Variants in AP3D1 observed in about 807,000 individuals in gnomAD.
AP3D1 encodes adaptor related protein complex 3 subunit delta 1.
A neutral mutation model predicts 147.6 loss-of-function variants in AP3D1; 51 were observed. The ratio of observed to expected loss-of-function variants is 0.35; its 90% CI spans 0.28 to 0.44. The LOEUF is 0.44. AP3D1 is among the 20% of genes least tolerant of loss of function. The pLI is 1.00. For synonymous variants in AP3D1, 760 were observed against 663.0 expected, an observed-to-expected ratio of 1.15 and a Z score of -2.25; for missense variants, 1,421 against 1,624.2, an observed-to-expected ratio of 0.87 and a Z score of 2.15.
At chr19:2,115,762 A>C (rs1374300937) in intron 18 of AP3D1, 149 bp from the exon 19 acceptor site, 5 of 794,966 alleles carry the variant, frequency 6.3e-6, no homozygotes, top group Non-Finnish European at 7.8e-6. Context: ...GAGCGCCGTG[A>C]GCGAGCGCAT....
chr19:2,120,054 G>T (rs908136582), intron 14 of AP3D1, among the ~76,000 whole-genome samples: 1 of 152,194 alleles, frequency 6.6e-6, no homozygotes, highest in African/African-American at 2.4e-5. Context: ...TTCCTGAGCC[G>T]GGGCAGGCCC....
At chr19:2,123,520 C>A in intron 10 of AP3D1, 114 bp from the exon 11 acceptor site, 1 of 1,073,598 alleles carries the variant, frequency 9.3e-7, no homozygotes, top group Admixed American at 2.3e-5. Context: ...CAGCCCCACC[C>A]ACCAATCAAA....
chr19:2,110,290 G>C (rs888763235), intron 27 of AP3D1, 66 bp from the exon 28 acceptor site: 1 of 1,392,518 alleles, frequency 7.2e-7, no homozygotes, highest in Non-Finnish European at 1.0e-6. Flanking sequence ...GGGGCCTCCA[G>C]GTCTGTCCTC....
rs750348865 is a variant in AP3D1, at chr19:2,116,621, T to C, written c.1985A>G (p.Glu662Gly). The change falls in exon 17 of 32, where the codon GAG (glutamate) becomes GGG (glycine). Residue 662 changes from glutamate to glycine, a missense_variant. Around this residue, in one of 6 missense-constraint regions of AP3D1, gnomAD observed 791 missense variants for 761.4 expected, o/e 1.04. Transcript: ENST00000643116. ...GCAGCTCACCCGAGCCAGCTCTTCCTCGTCCGCCTCCGACGGCCGGTGCTT... is the reference window on the plus strand; with the variant it reads ...GCAGCTCACCCGAGCCAGCTCTTCCCCGTCCGCCTCCGACGGCCGGTGCTT... Reference protein sequence around the residue: ...RPKHRPSEADEEELARRREAR... With the variant: ...RPKHRPSEADGEELARRREAR... 13 of 1,597,622 alleles carry C rather than the reference T, an allele frequency of 8.1e-6. No homozygotes were observed. The highest frequency in any genetic ancestry group is 1.1e-5 in the Non-Finnish European group (13 of 1,172,870).
At chr19:2,163,782 G>C (rs2019797570) in intron 1 of AP3D1, among the ~76,000 whole-genome samples, 2 of 151,296 alleles carry the variant, frequency 1.3e-5, no homozygotes, top group Non-Finnish European at 3.0e-5. Flanking sequence ...TCGTGCGTGC[G>C]TGGATTCGGG....
At chr19:2,117,147 C>T (rs1442982567) in intron 16 of AP3D1, 75 bp downstream of exon 16, 77 of 1,495,846 alleles carry the variant, frequency 5.1e-5, no homozygotes, top group Non-Finnish European at 6.5e-5. Context: ...GGTGCAGGAG[C>T]CCCCGCTGTG....
intron 31 of AP3D1, among the ~76,000 whole-genome samples, chr19:2,108,332 C>T (rs570017478): frequency 2.6e-5 from 4 of 152,290 alleles, no homozygotes; most frequent in South Asian, 4.1e-4. Flanking sequence ...GCGGAGGGAG[C>T]GAGGAGTCAT....
intron 5 of AP3D1, among the ~76,000 whole-genome samples, chr19:2,130,938 G>A (rs1412799835): frequency 6.6e-6 from 1 of 152,232 alleles, no homozygotes. Context: ...CCAGGGAGTC[G>A]CCTCGAACTG....
Position 2,137,012 on chromosome 19 carries a change from T to C in AP3D1, c.353A>G (p.Lys118Arg). The C allele has an allele frequency of 6.3e-7, 1 of 1,586,834 alleles. No homozygotes were observed. The highest frequency in any genetic ancestry group is 8.6e-7 in the Non-Finnish European group (1 of 1,166,802). Residue 118 changes from lysine (K) to arginine (R), a missense_variant and splice_region_variant, in exon 4 of 32, where the codon AAG becomes AGG. By Grantham distance (26) the Lys-to-Arg change is conservative (BLOSUM62 2). Around this residue, in one of 6 missense-constraint regions of AP3D1, gnomAD observed 292 missense variants for 412.0 expected, o/e 0.71. Transcript: ENST00000643116. ...CGGCCCCGGCCCGGGAACACCCACC[T>C]TACGGATCTGATTGGTGGTCAGCAT... Reference protein sequence around the residue: ...VIMLTTNQIRKDLSSPSQYDT... With the variant: ...VIMLTTNQIRRDLSSPSQYDT...
chr19:2,122,228 CT>C (rs151319979), intron 11 of AP3D1, among the ~76,000 whole-genome samples: 17,228 of 147,600 alleles, frequency 0.12, 1,265 homozygotes, highest in South Asian at 0.23. Flanking sequence ...AGCAGATACC[CT>C]TGGCCCAAGG....
chr19:2,115,503 G>A, intron 19 of AP3D1, 35 bp downstream of exon 19: 1 of 1,611,292 alleles, frequency 6.2e-7, no homozygotes, highest in Non-Finnish European at 8.5e-7. Context: ...CAGCCCATGT[G>A]ACAAATGCGG....
In AP3D1 at chr19:2,111,709, C is replaced by A. The variant is rs1475553142; in HGVS notation, c.2907G>T (p.Gln969His). The A allele has an allele frequency of 3.7e-6, 6 of 1,600,770 alleles. No individual in the cohort carries two copies. Among genetic ancestry groups the A allele is most frequent in the Non-Finnish European group, 5.1e-6 (6 of 1,174,872 alleles). ...GSEEAAGEPVQNGAPEEEQLP... is the reference protein window; with the variant it reads ...GSEEAAGEPVHNGAPEEEQLP... The stretch of plus-strand genomic sequence containing the variant: ...GCTGCTCCTCCTCTGGCGCGCCATT[C>A]TGCACCGGCTCCCCCGCTGCCTCCT... The change falls in exon 25 of 32, where the codon CAG (glutamine) becomes CAT (histidine). Residue 969 changes from glutamine (Q) to histidine (H), a missense_variant. Transcript: ENST00000643116.
chr19:2,134,420 C>CAA (rs60373017), intron 4 of AP3D1, among the ~76,000 whole-genome samples: 3 of 141,034 alleles, frequency 2.1e-5, no homozygotes, highest in Admixed American at 7.1e-5. Context: ...AACCCTGTCT[C>CAA]AAAAAAAAAA....
intron 1 of AP3D1, among the ~76,000 whole-genome samples, chr19:2,147,613 T>C (rs912893691): frequency 2.7e-5 from 4 of 150,472 alleles, no homozygotes; most frequent in South Asian, 2.1e-4. Flanking sequence ...AAAGAATATA[T>C]GGGCTGGGCA....
chr19:2,102,293 T>A, intron 31 of AP3D1, 25 bp from the exon 32 acceptor site: 1 of 1,595,084 alleles, frequency 6.3e-7, no homozygotes, highest in African/African-American at 1.3e-5. Flanking sequence ...AAGATGGATA[T>A]TTTAAAAGTG....
Position 2,138,684 on chromosome 19 carries a change from T to C in AP3D1, c.127A>G (p.Ile43Val). The change falls in exon 2 of 32, where the codon ATC (isoleucine) becomes GTC (valine). Residue 43 changes from isoleucine (I) to valine (V), a missense_variant. Physicochemically the swap from Ile to Val is conservative, Grantham distance 29. This residue lies in a region of AP3D1 where 292 missense variants were observed against 412.0 expected (regional missense o/e 0.71). Transcript: ENST00000643116. ...TTGTCCTGCTTCAGCTCCTGCTTGA[T>C]CTCATCAATGCACTGAGATATGTAT... ...AKYISQCIDEIKQELKQDNIA... is the reference protein window; with the variant it reads ...AKYISQCIDEVKQELKQDNIA... The C allele has an allele frequency of 1.2e-6, 2 of 1,613,682 alleles. No individual in the cohort carries two copies.
In AP3D1 at chr19:2,114,184, C is replaced by T. The variant is rs1271086998; in HGVS notation, c.2542G>A (p.Glu848Lys). The T allele has an allele frequency of 1.2e-6, 2 of 1,602,148 alleles. No homozygotes were observed. Among genetic ancestry groups the T allele is most frequent in the East Asian group, 2.2e-5 (1 of 44,492 alleles). Reference sequence around the variant, plus strand: ...CTCTCTTTCTCTTTGTGTTTTTTCTCTTTCTTCTTGGGTTTCTTGCTCTTC... The same window carrying T: ...CTCTCTTTCTCTTTGTGTTTTTTCTTTTTCTTCTTGGGTTTCTTGCTCTTC... ...EKKSKKPKKK[E>K]KKHKEKERDK... Residue 848 changes from glutamate (E) to lysine (K), a missense_variant, in exon 22 of 32, where the codon GAG (glutamate) becomes AAG (lysine). By Grantham distance (56) the Glu-to-Lys change is moderately conservative. This residue lies in a region of AP3D1 where 791 missense variants were observed against 761.4 expected (regional missense o/e 1.04). Transcript: ENST00000643116.
intron 15 of AP3D1, 63 bp from the exon 16 acceptor site, chr19:2,117,430 G>T: frequency 2.7e-6 from 4 of 1,488,770 alleles, no homozygotes; most frequent in South Asian, 2.7e-5. Context: ...CACCTTCAGG[G>T]ACACGGGGTG....
chr19:2,139,573 G>A (rs531672360), intron 1 of AP3D1, among the ~76,000 whole-genome samples: 3 of 152,320 alleles, frequency 2.0e-5, no homozygotes, highest in Admixed American at 6.5e-5. Flanking sequence ...AAGCCGAGTC[G>A]ATGCCATGCT....
Sources: gnomAD v4.1 joint callset for allele counts (sites outside exome capture counted in the v4.1 genomes callset) on GRCh38, gnomAD v4.1.1 for gene constraint, gnomAD v4.1.1 regional missense constraint, MANE v1.5 for transcripts, NCBI Gene and HGNC (gene_info 2026-07-23, HGNC 2026-07-21) for gene names.